The following MCTP2 variants were observed in gnomAD, a reference collection of about 807,000 sequenced individuals.
MCTP2 encodes multiple C2 and transmembrane domain-containing protein 2.
A neutral mutation model predicts 111.6 loss-of-function variants in MCTP2; 132 were observed. That is an observed-to-expected ratio of 1.18 (90% CI 1.03 to 1.37). The LOEUF is 1.37. MCTP2 is among the 40% of genes most tolerant of loss of function. MCTP2 has a pLI of 0.00. For synonymous variants in MCTP2, 395 were observed against 387.7 expected (o/e 1.02, Z -0.22); for missense variants, 1,183 against 1,067.9 (o/e 1.11, Z -1.50).
chr15:94,320,004 G>A (rs1337720673), intron 4 of MCTP2, among the ~76,000 whole-genome samples: 2 of 152,188 alleles, frequency 1.3e-5, no homozygotes, highest in Non-Finnish European at 2.9e-5. Context: ...TTTTTCACAG[G>A]CATAAGCTCT....
At chr15:94,430,146 A>T (rs1453963682) in intron 17 of MCTP2, among the ~76,000 whole-genome samples, 1 of 152,162 alleles carries the variant, frequency 6.6e-6, no homozygotes, top group Admixed American at 6.5e-5. Flanking sequence ...TGTTCTCATT[A>T]TGCAACCACA....
intron 17 of MCTP2, among the ~76,000 whole-genome samples, chr15:94,428,519 G>T (rs1337204401): frequency 1.3e-5 from 2 of 151,662 alleles, no homozygotes; most frequent in East Asian, 1.9e-4. Context: ...GGGGAAGGGG[G>T]GCTTCCTATA....
chr15:94,247,691 C>T (rs1344765971), intron 1 of MCTP2, among the ~76,000 whole-genome samples: 5 of 152,224 alleles, frequency 3.3e-5, no homozygotes, highest in Admixed American at 6.5e-5. Context: ...TAATTTAATG[C>T]CTCTGTAAAA....
intron 1 of MCTP2, among the ~76,000 whole-genome samples, chr15:94,276,854 AAAAAAG>A (rs1047071777): frequency 2.0e-5 from 3 of 151,000 alleles, no homozygotes; most frequent in Non-Finnish European, 4.4e-5. Context: ...AAAAAAAAAA[AAAAAAG>A]AGATATGTTC....
At chr15:94,395,026 A>G (rs2081208725) in intron 14 of MCTP2, among the ~76,000 whole-genome samples, 1 of 152,184 alleles carries the variant, frequency 6.6e-6, no homozygotes, top group Non-Finnish European at 1.5e-5. Flanking sequence ...TGCAGCAAAC[A>G]GTGACCTAGT....
At chr15:94,244,325 CAT>C (rs1491319897) in intron 1 of MCTP2, among the ~76,000 whole-genome samples, 3 of 147,494 alleles carry the variant, frequency 2.0e-5, no homozygotes, top group East Asian at 2.0e-4. Context: ...TATGTATACA[CAT>C]GTATATATAC....
chr15:94,365,117 A>C (rs2079117378), intron 10 of MCTP2, among the ~76,000 whole-genome samples: 1 of 152,214 alleles, frequency 6.6e-6, no homozygotes, highest in South Asian at 2.1e-4. Flanking sequence ...GTCATAACCC[A>C]TGTCCAGAAA....
At chr15:94,451,559 A>C (rs2084466123) in intron 19 of MCTP2, among the ~76,000 whole-genome samples, 1 of 152,224 alleles carries the variant, frequency 6.6e-6, no homozygotes, top group African/African-American at 2.4e-5. Context: ...TTCCCTCTGT[A>C]AATTGGAAGC....
Position 94,245,565 on chromosome 15 carries a change from T to C in MCTP2, c.-66+13901T>C, listed in dbSNP as rs1266372943. 6.3e-5 allele frequency among the ~76,000 whole-genome samples: 9 copies of C among 143,852 alleles called. No homozygotes were observed. In the South Asian group the frequency reaches 1.3e-3, roughly 20 times the overall value. The allele number at this position is 143,852 out of a possible 152,430, so 94.4% of individuals were successfully genotyped here. ...GTATATATTTATATATGTATACATA[T>C]ATGTATATATACGTATATGTACATA... On this transcript the variant is annotated intron_variant, in intron 1 of 22. Coordinates refer to ENST00000357742, the MANE Select transcript of MCTP2 (RefSeq NM_001385001.1).
chr15:94,314,461 C>G (rs923821090), intron 3 of MCTP2, 117 bp downstream of exon 3: 1 of 737,772 alleles, frequency 1.4e-6, no homozygotes, highest in Non-Finnish European at 2.2e-6. Flanking sequence ...AATGCCAAAC[C>G]GTATCCACTT....
chr15:94,400,389 A>G (rs981954222), intron 16 of MCTP2, among the ~76,000 whole-genome samples: 18 of 152,086 alleles, frequency 1.2e-4, no homozygotes, highest in Admixed American at 1.2e-3. Context: ...TGTGGAGTCA[A>G]TCACAGAATT....
intron 1 of MCTP2, among the ~76,000 whole-genome samples, chr15:94,293,627 A>G (rs2075128498): frequency 6.6e-6 from 1 of 152,244 alleles, no homozygotes; most frequent in South Asian, 2.1e-4. Context: ...ATCTTTCCCA[A>G]GAGCAGCAGT....
intron 10 of MCTP2, among the ~76,000 whole-genome samples, chr15:94,365,521 A>C (rs2079137416): frequency 6.6e-6 from 1 of 152,178 alleles, no homozygotes; most frequent in African/African-American, 2.4e-5. Flanking sequence ...AAAATTGACA[A>C]ACTGCTCTGT....
chr15:94,309,766 A>G (rs1387691689), intron 2 of MCTP2, among the ~76,000 whole-genome samples: 2 of 152,190 alleles, frequency 1.3e-5, no homozygotes, highest in Admixed American at 1.3e-4. Flanking sequence ...TCTAAAGGGA[A>G]TGCAAAGTAT....
At position 94,390,108 on chromosome 15, in the gene MCTP2, A is replaced by G. The variant is rs1362684092; in HGVS notation, c.1788+4583A>G. On this transcript the variant is annotated intron_variant, in intron 14 of 22. Coordinates refer to ENST00000357742, the MANE Select transcript of MCTP2 (RefSeq NM_001385001.1). The stretch of plus-strand genomic sequence containing the variant: ...TATATATGTATATATATATATATAT[A>G]TATATGTATATATATATATATATAC... Among the ~76,000 whole-genome samples, 48 of 33,492 alleles carry G rather than the reference A, an allele frequency of 1.4e-3. 1 individual carries two copies. The highest frequency in any genetic ancestry group is 3.6e-3 in the Admixed American group (12 of 3,318). 22.0% of individuals were successfully genotyped at this position (33,492 alleles called of 152,430 possible). A position where few individuals can be genotyped will look rare whatever the true frequency, so the allele number is the denominator to read the frequency against.
chr15:94,345,206 C>G (rs1567481237), intron 8 of MCTP2, 42 bp downstream of exon 8: 1 of 1,579,532 alleles, frequency 6.3e-7, no homozygotes, highest in East Asian at 2.3e-5. Context: ...TGGTTAAAAA[C>G]TTTGTCTTTG....
At chr15:94,473,465 G>GAAAC in intron 21 of MCTP2, among the ~76,000 whole-genome samples, 1 of 152,278 alleles carries the variant, frequency 6.6e-6, no homozygotes, top group South Asian at 2.1e-4. Flanking sequence ...TTTTCTTTAG[G>GAAAC]AAACATTATC....
At chr15:94,234,487 C>T (rs1337510319) in intron 1 of MCTP2, among the ~76,000 whole-genome samples, 1 of 152,122 alleles carries the variant, frequency 6.6e-6, no homozygotes, top group Non-Finnish European at 1.5e-5. Context: ...CCACGGGGGG[C>T]CCTGCTAGTG....
intron 20 of MCTP2, among the ~76,000 whole-genome samples, chr15:94,466,603 A>T (rs1330430170): frequency 1.3e-5 from 2 of 151,306 alleles, no homozygotes; most frequent in Non-Finnish European, 2.9e-5. Context: ...TCATATTAAA[A>T]TCTCCCCGTG....
Sources: gnomAD v4.1 joint callset for allele counts (sites outside exome capture counted in the v4.1 genomes callset) on GRCh38, gnomAD v4.1.1 for gene constraint, MANE v1.5 for transcripts, NCBI Gene and HGNC (gene_info 2026-07-23, HGNC 2026-07-21) for gene names.